TMEM51: variants seen among roughly 807,000 people sequenced by gnomAD.
TMEM51 encodes chromosome 1 open reading frame 72.
In TMEM51, 8 loss-of-function variants were observed where a neutral mutation model predicts 13.6. That is an observed-to-expected ratio of 0.59 (90% CI 0.35 to 1.07). TMEM51 has a LOEUF of 1.07. Ranked by LOEUF, TMEM51 falls within the 50% of genes least tolerant of loss-of-function variation. The pLI, the probability that TMEM51 is intolerant of heterozygous loss-of-function variation, is 0.02. For synonymous variants in TMEM51, 147 were observed against 144.4 expected (o/e 1.02, Z -0.13); for missense variants, 279 against 330.7 (o/e 0.84, Z 1.21).
rs1167584969 is a variant in TMEM51, at chr1:15,198,298, A to G, written c.-266-12192A>G. On this transcript the variant is annotated intron_variant, in intron 1 of 3. Transcript: ENST00000376008. ...ACTTAGTCACATGCAACCGCTAGTG[A>G]GCTGCCTAAGAGGCTGGGTACTGCT... Among the ~76,000 whole-genome samples, 3 of 152,322 alleles carry G rather than the reference A, an allele frequency of 2.0e-5. No individual in the cohort carries two copies. In the East Asian group the frequency reaches 5.8e-4, roughly 29 times the overall value.
chr1:15,219,964 G>A lies in TMEM51; in HGVS notation c.*221G>A. On this transcript the variant is annotated 3_prime_UTR_variant, in exon 4 of 4. Coordinates refer to ENST00000376008, the MANE Select transcript of TMEM51 (RefSeq NM_001136218.2). ...CTTTGGAAAGAGATGCTGCCTTGGA[G>A]CTGGTGAATCTGTGGACCACATTCA... 3 of 579,608 alleles carry A rather than the reference G, an allele frequency of 5.2e-6. No homozygotes were observed. Among genetic ancestry groups the A allele is most frequent in the South Asian group, 4.6e-5 (2 of 43,800 alleles). 35.9% of individuals were successfully genotyped at this position (579,608 alleles called of 1,614,324 possible).
intron 1 of TMEM51, among the ~76,000 whole-genome samples, chr1:15,201,368 A>T (rs551885863): frequency 2.2e-4 from 34 of 151,530 alleles, no homozygotes; most frequent in African/African-American, 8.2e-4. Context: ...CATAAAATTA[A>T]TAAAGAAAAG....
intron 2 of TMEM51, among the ~76,000 whole-genome samples, chr1:15,213,032 T>C (rs568667044): frequency 6.6e-6 from 1 of 152,366 alleles, no homozygotes; most frequent in East Asian, 1.9e-4. Context: ...CCACATAGAC[T>C]TTCTGTATGT....
intron 1 of TMEM51, among the ~76,000 whole-genome samples, chr1:15,198,794 C>A (rs1433628854): frequency 6.6e-6 from 1 of 152,208 alleles, no homozygotes; most frequent in Non-Finnish European, 1.5e-5. Flanking sequence ...CTTTTCTTTC[C>A]CTCCAGCACA....
rs1272610339 is a variant in TMEM51 at position 15,215,355 on chromosome 1, A to C, written c.268A>C (p.Lys90Gln). The change falls in exon 3 of 4, where the codon AAG becomes CAG. Residue 90 changes from lysine to glutamine, a missense_variant. By Grantham distance (53) the Lys-to-Gln change is moderately conservative. Transcript: ENST00000376008. The stretch of plus-strand genomic sequence containing the variant: ...CTGCCTGAGTATCAGGGATAAGAGG[A>C]AGCAGCGGCAGGGCGAGGACCTGGC... ...SICLSIRDKR[K>Q]QRQGEDLAHV... 2 of 1,613,412 alleles carry C rather than the reference A, an allele frequency of 1.2e-6. No homozygotes were observed. Among genetic ancestry groups the C allele is most frequent in the East Asian group, 4.5e-5 (2 of 44,880 alleles).
intron 1 of TMEM51, among the ~76,000 whole-genome samples, chr1:15,193,571 C>CTTTTTTTTTTTTTTTTTTTTTTTTTT (rs1392623062): frequency 1.2e-5 from 1 of 80,614 alleles, no homozygotes; most frequent in African/African-American, 5.7e-5. Context: ...TCTTTTCTTT[C>CTTTTTTTTTTTTTTTTTTTTTTTTTT]TTTCTTTTTT....
At chr1:15,163,764 C>T (rs1268835959) in intron 1 of TMEM51, among the ~76,000 whole-genome samples, 3 of 143,078 alleles carry the variant, frequency 2.1e-5, no homozygotes, top group African/African-American at 8.0e-5. Flanking sequence ...AGAAAAGTTG[C>T]AAAGGTAATA....
chr1:15,162,359 C>A (rs777062080), intron 1 of TMEM51, among the ~76,000 whole-genome samples: 44 of 152,054 alleles, frequency 2.9e-4, no homozygotes, highest in Middle Eastern at 6.8e-3. Flanking sequence ...GATGGGGTTT[C>A]ACCATGTTGG....
At chr1:15,177,638 C>G (rs1643491363) in intron 1 of TMEM51, among the ~76,000 whole-genome samples, 1 of 152,142 alleles carries the variant, frequency 6.6e-6, no homozygotes, top group African/African-American at 2.4e-5. Context: ...GGGACCTTGT[C>G]TATGCTTCTC....
In TMEM51 at chr1:15,215,114, C is replaced by A; in HGVS notation, c.27C>A (p.Gly9=). Residue 9 remains glycine, a synonymous_variant, in exon 3 of 4, where the codon GGC becomes GGA. Transcript: ENST00000376008. MMAQSKAN[G]SHYALTAIGL... ...TGATGGCCCAGTCCAAGGCCAATGG[C>A]TCGCACTATGCGCTGACCGCCATCG... 1 of 1,613,732 alleles carries A rather than the reference C, an allele frequency of 6.2e-7. No homozygotes were observed. The highest frequency in any genetic ancestry group is 8.5e-7 in the Non-Finnish European group (1 of 1,179,878).
intron 1 of TMEM51, among the ~76,000 whole-genome samples, chr1:15,155,733 G>A (rs1642569407): frequency 6.6e-6 from 1 of 152,146 alleles, no homozygotes; most frequent in Non-Finnish European, 1.5e-5. Flanking sequence ...GGAAGGTCCG[G>A]AGTGAGCTGG....
chr1:15,184,578 A>C (rs756678319), intron 1 of TMEM51, among the ~76,000 whole-genome samples: 1 of 152,174 alleles, frequency 6.6e-6, no homozygotes, highest in Non-Finnish European at 1.5e-5. Context: ...GGGCAGCTGC[A>C]GAGAGACCAG....
At chr1:15,197,188 T>C (rs1644066581) in intron 1 of TMEM51, among the ~76,000 whole-genome samples, 1 of 152,206 alleles carries the variant, frequency 6.6e-6, no homozygotes, top group Non-Finnish European at 1.5e-5. Context: ...GGGTTACGTG[T>C]CCGTCTTGAA....
At chr1:15,199,129 C>T (rs1237525407) in intron 1 of TMEM51, among the ~76,000 whole-genome samples, 3 of 137,620 alleles carry the variant, frequency 2.2e-5, no homozygotes, top group East Asian at 2.9e-4. Flanking sequence ...TTTTAGTTCA[C>T]GGAGACTTTT....
In TMEM51 at chr1:15,197,955, A is replaced by C. The variant is rs916274610; in HGVS notation, c.-266-12535A>C. Among the ~76,000 whole-genome samples, 241 of 45,910 alleles carry C rather than the reference A, an allele frequency of 5.2e-3. 8 individuals carry two copies. In the South Asian group the frequency reaches 0.12, roughly 24 times the overall value. The allele number at this position is 45,910 out of a possible 152,430, so 30.1% of individuals were successfully genotyped here. A position where few individuals can be genotyped will look rare whatever the true frequency, so the allele number is the denominator to read the frequency against. On this transcript the variant is annotated intron_variant, in intron 1 of 3. Transcript: ENST00000376008. ...AGGCGTAGCTTTGGCTATACATGAC[A>C]AAAAAAAAAAAAAAAAAGCAGATTC...
chr1:15,212,430 A>G (rs1001072661), intron 2 of TMEM51, among the ~76,000 whole-genome samples: 1 of 152,240 alleles, frequency 6.6e-6, no homozygotes, highest in Admixed American at 6.5e-5. Flanking sequence ...GAGGGCAGGC[A>G]GTGAGGGGGT....
rs150464394 is a variant in TMEM51, at chr1:15,178,006, A to G, written c.-267+24052A>G. 2.0e-3 allele frequency among the ~76,000 whole-genome samples: 306 copies of G among 152,336 alleles called. 1 individual carries two copies. Among genetic ancestry groups the G allele is most frequent in the African/African-American group, 7.1e-3 (294 of 41,584 alleles). On this transcript the variant is annotated intron_variant, in intron 1 of 3. Transcript: ENST00000376008. ...CAGCTGAAATGACACACTGACGTTC[A>G]CCCAGCCAGGAAGGAAGTAACACAG...
chr1:15,217,664 G>GGA (rs1269075264), intron 3 of TMEM51, among the ~76,000 whole-genome samples: 1 of 152,130 alleles, frequency 6.6e-6, no homozygotes, highest in African/African-American at 2.4e-5. Flanking sequence ...TCTGAGAGCA[G>GGA]GAGAAGATGA....
Position 15,215,435 on chromosome 1 carries a change from A to AG in TMEM51, c.344+6dup, listed in dbSNP as rs1387789271. 1 of 1,590,510 alleles carries AG rather than the reference A, an allele frequency of 6.3e-7. No individual in the cohort carries two copies. The highest frequency in any genetic ancestry group is 1.3e-5 in the African/African-American group (1 of 74,724). Reference sequence around the variant, plus strand: ...CTCACGCCCAGGAGGAAGACAGGTGAGGCCTGACTGTCCCCTTCCCTCCCC... The same window carrying AG: ...CTCACGCCCAGGAGGAAGACAGGTGAGGGCCTGACTGTCCCCTTCCCTCCCC... On this transcript the variant is annotated splice_donor_region_variant and intron_variant, in intron 3 of 3. Coordinates refer to ENST00000376008, the MANE Select transcript of TMEM51 (RefSeq NM_001136218.2).
Sources: allele counts gnomAD v4.1 joint callset (sites outside exome capture counted in the v4.1 genomes callset), GRCh38; gene constraint gnomAD v4.1.1; transcripts MANE v1.5; gene names NCBI Gene and HGNC (gene_info 2026-07-23, HGNC 2026-07-21).